The following NTN4 variants were observed in gnomAD, a reference collection of about 807,000 sequenced individuals.
NTN4 encodes netrin-4.
NTN4 carries 32 observed loss-of-function variants against 73.6 expected under a neutral mutation model. That is an observed-to-expected ratio of 0.44 (90% CI 0.33 to 0.58). The LOEUF is 0.58. Ranked by LOEUF, NTN4 falls within the 20% of genes least tolerant of loss-of-function variation. NTN4 has a pLI of 0.04. For missense variants in NTN4, 654 were observed against 798.3 expected (o/e 0.82, Z 2.18); for synonymous variants, 258 against 287.5 (o/e 0.90, Z 1.04).
chr12:95,790,215 G>T lies in NTN4; in HGVS notation c.55+40C>A. 6.6e-7 allele frequency: 1 copy of T among 1,512,076 alleles called. No individual in the cohort carries two copies. The highest frequency in any genetic ancestry group is 8.9e-7 in the Non-Finnish European group (1 of 1,125,340). The allele number at this position is 1,512,076 out of a possible 1,614,324, so 93.7% of individuals were successfully genotyped here. On this transcript the variant is annotated intron_variant, in intron 1 of 9. Coordinates refer to ENST00000343702, the MANE Select transcript of NTN4 (RefSeq NM_021229.4). This position sits in a 1 kb window ranked among gnomAD's most constrained non-coding sequence, Gnocchi z 6.5. ...AGTCCCGAGATGGGTTAGAGAAGCA[G>T]CGAGGGAAGGGGTGGGGGCCCCGCC...
chr12:95,762,831 T>A (rs1258459388), intron 2 of NTN4, among the ~76,000 whole-genome samples: 2 of 152,212 alleles, frequency 1.3e-5, no homozygotes, highest in Non-Finnish European at 2.9e-5. Flanking sequence ...ATAGAAATTC[T>A]GGGCTCGAAA....
intron 9 of NTN4, chr12:95,665,556 AG>A (rs2078172890): frequency 7.3e-6 from 2 of 275,616 alleles, no homozygotes; most frequent in Non-Finnish European, 6.7e-6. Flanking sequence ...AACCAATCTG[AG>A]CCTCCTCTTT....
At chr12:95,691,609 G>A (rs991440920) in intron 5 of NTN4, among the ~76,000 whole-genome samples, 2 of 152,122 alleles carry the variant, frequency 1.3e-5, no homozygotes, top group African/African-American at 4.8e-5. Context: ...TGGTCAGGCT[G>A]GTCTTGACCT....
chr12:95,718,109 C>A (rs936367435), intron 3 of NTN4, among the ~76,000 whole-genome samples: 1 of 152,156 alleles, frequency 6.6e-6, no homozygotes, highest in Non-Finnish European at 1.5e-5. Flanking sequence ...GAGCTGTTTA[C>A]TTTGGTGATA....
At chr12:95,772,449 C>G (rs1345778984) in intron 2 of NTN4, among the ~76,000 whole-genome samples, 2 of 152,162 alleles carry the variant, frequency 1.3e-5, no homozygotes, top group African/African-American at 4.8e-5. Flanking sequence ...CATACTCACT[C>G]CCTTGGCAAT....
At chr12:95,680,539 A>C (rs1267359821) in intron 7 of NTN4, among the ~76,000 whole-genome samples, 2 of 152,260 alleles carry the variant, frequency 1.3e-5, no homozygotes, top group African/African-American at 4.8e-5. Flanking sequence ...CATACAAGAG[A>C]ACATTTACGG....
chr12:95,672,822 C>G (rs1405734145), intron 7 of NTN4: 10 of 1,350,046 alleles, frequency 7.4e-6, no homozygotes, highest in African/African-American at 1.4e-5. Flanking sequence ...AAATAGTTCC[C>G]CAGATCAAGG....
chr12:95,694,344 C>A (rs1216720859), intron 5 of NTN4, among the ~76,000 whole-genome samples: 1 of 152,142 alleles, frequency 6.6e-6, no homozygotes, highest in East Asian at 1.9e-4. Flanking sequence ...CGCGCGGCCA[C>A]TCCCTCGGCA....
chr12:95,787,377 T>C lies in NTN4; in HGVS notation c.147A>G (p.Ala49=). 2.5e-6 allele frequency: 4 copies of C among 1,614,244 alleles called. No individual in the cohort carries two copies. The highest frequency in any genetic ancestry group is 1.1e-5 in the South Asian group (1 of 91,086). Residue 49 remains alanine (A), a synonymous_variant, in exon 2 of 10, where the codon GCA becomes GCG. Transcript: ENST00000343702. The part of the protein sequence containing the change: ...GNLALGRKLW[A]DTTCGQNATE... ...TAGCATTCTGACCGCAGGTGGTGTC[T>C]GCCCAGAGTTTTCGCCCCAAAGCCA...
chr12:95,737,895 G>A lies in NTN4; in HGVS notation c.835C>T (p.Pro279Ser), dbSNP rs773913361. Residue 279 changes from proline (P) to serine (S), a missense_variant, in exon 3 of 10, where the codon CCT becomes TCT. Physicochemically the swap from Pro to Ser is moderately conservative, Grantham distance 74. Transcript: ENST00000343702. ...DQCIPVHGFR[P>S]VKAPGTFHMV... ...TGGAATGTTCCTGGGGCCTTGACAGGTCTGAAGCCATGAACAGGTATGCAT... is the reference window on the plus strand; with the variant it reads ...TGGAATGTTCCTGGGGCCTTGACAGATCTGAAGCCATGAACAGGTATGCAT... 33 of 1,613,818 alleles carry A rather than the reference G, an allele frequency of 2.0e-5. No individual in the cohort carries two copies. The highest frequency in any genetic ancestry group is 2.5e-5 in the Non-Finnish European group (30 of 1,179,856).
rs369570911 is a variant in NTN4 at position 95,761,209 on chromosome 12, T to C, written c.586-23065A>G. Among the ~76,000 whole-genome samples the C allele has an allele frequency of 1.6e-4, 25 of 152,340 alleles. No individual in the cohort carries two copies. The South Asian group carries it at 5.2e-3, about 32-fold the overall frequency. ...ATTCAACAGGATCAGAACAAAGCTA[T>C]GTATACTCTTCCATGCTTCAGTCAA... is the stretch of plus-strand genomic sequence containing the variant. On this transcript the variant is annotated intron_variant, in intron 2 of 9. Transcript: ENST00000343702.
At chr12:95,743,346 G>T (rs77330547) in intron 2 of NTN4, among the ~76,000 whole-genome samples, 14,158 of 151,842 alleles carry the variant, frequency 0.093, 2,208 homozygotes, top group African/African-American at 0.32. Context: ...TGCTTACTTT[G>T]TGTTTAATGT....
At chr12:95,672,602 A>G in intron 7 of NTN4, 1 of 1,527,518 alleles carries the variant, frequency 6.5e-7, no homozygotes, top group South Asian at 1.1e-5. Context: ...CGATCTCGGT[A>G]AAGCAGAAAC....
chr12:95,765,767 C>G (rs2079017150), intron 2 of NTN4, among the ~76,000 whole-genome samples: 1 of 152,136 alleles, frequency 6.6e-6, no homozygotes, highest in Admixed American at 6.6e-5. Context: ...AGTACTTAGC[C>G]ATTTATAAAA....
chr12:95,767,997 G>A (rs2079031647), intron 2 of NTN4, among the ~76,000 whole-genome samples: 1 of 152,168 alleles, frequency 6.6e-6, no homozygotes, highest in Non-Finnish European at 1.5e-5. Flanking sequence ...ACACTATTTA[G>A]TGTGTCTGCA....
intron 2 of NTN4, among the ~76,000 whole-genome samples, chr12:95,757,946 G>A (rs2078958986): frequency 1.3e-5 from 2 of 152,200 alleles, no homozygotes. Flanking sequence ...ATGGAAGCAA[G>A]AAAGAACTGA....
intron 7 of NTN4, chr12:95,673,309 A>G (rs1592655776): frequency 3.4e-6 from 1 of 298,034 alleles, no homozygotes; most frequent in East Asian, 8.4e-5. Context: ...AAGCTGTGGA[A>G]AAGCTCCCCT....
chr12:95,662,277 C>T (rs1241662494), intron 9 of NTN4, among the ~76,000 whole-genome samples: 7 of 139,580 alleles, frequency 5.0e-5, no homozygotes, highest in Non-Finnish European at 1.1e-4. Flanking sequence ...GTCACCCAGG[C>T]TGACGTGCAG....
chr12:95,744,479 A>G (rs10859930), intron 2 of NTN4, among the ~76,000 whole-genome samples: 113,027 of 152,024 alleles, frequency 0.74, 43,216 homozygotes, highest in Non-Finnish European at 0.85. Flanking sequence ...TAATGGGGAT[A>G]TTTACACCTT....
Sources: allele counts gnomAD v4.1 joint callset (sites outside exome capture counted in the v4.1 genomes callset), GRCh38; gene constraint gnomAD v4.1.1; non-coding constraint Gnocchi (gnomAD v3.1); transcripts MANE v1.5; gene names NCBI Gene and HGNC (gene_info 2026-07-23, HGNC 2026-07-21).